DNAI4: variants seen among roughly 807,000 people sequenced by gnomAD.
The protein encoded by DNAI4 is dynein axonemal intermediate chain 4, also known as WD repeat domain 78.
A neutral mutation model predicts 105.8 loss-of-function variants in DNAI4; 85 were observed. The ratio of observed to expected loss-of-function variants is 0.80; its 90% CI spans 0.67 to 0.96. The LOEUF is 0.96. DNAI4 is among the 40% of genes least tolerant of loss of function. The probability of loss-of-function intolerance (pLI) is 0.00; values close to 1 mark genes in which losing one functional copy is unlikely to be tolerated. For missense variants in DNAI4, 1,014 were observed against 1,005.6 expected, an observed-to-expected ratio of 1.01 and a Z score of -0.11; for synonymous variants, 352 against 331.5, an observed-to-expected ratio of 1.06 and a Z score of -0.67.
chr1:66,845,582 A>G (rs568190509), intron 8 of DNAI4, among the ~76,000 whole-genome samples: 26 of 152,322 alleles, frequency 1.7e-4, no homozygotes, highest in African/African-American at 6.0e-4. Flanking sequence ...CTTTACTCTT[A>G]ATATCCCCAG....
chr1:66,839,646 G>C (rs577584966), intron 9 of DNAI4, among the ~76,000 whole-genome samples: 1 of 152,288 alleles, frequency 6.6e-6, no homozygotes, highest in East Asian at 1.9e-4. Flanking sequence ...AATATCTTCA[G>C]AACCAGTTTA....
chr1:66,920,555 G>A (rs1650401444), intron 1 of DNAI4, among the ~76,000 whole-genome samples: 1 of 152,138 alleles, frequency 6.6e-6, no homozygotes, highest in Non-Finnish European at 1.5e-5. Context: ...GTTGGGGAGT[G>A]AGTATGTAGT....
intron 11 of DNAI4, among the ~76,000 whole-genome samples, chr1:66,834,691 C>A (rs1645944029): frequency 6.6e-6 from 1 of 152,094 alleles, no homozygotes. Flanking sequence ...AAACTCACTT[C>A]TCAGATTACT....
chr1:66,874,873 T>C lies in DNAI4; in HGVS notation c.708A>G (p.Ile236Met). The C allele has an allele frequency of 6.2e-7, 1 of 1,613,694 alleles. No homozygotes were observed. The highest frequency in any genetic ancestry group is 1.1e-5 in the South Asian group (1 of 91,040). ...TTTCTGTCTCTGTGAGTATTATCTCTATATTCTTCTCCAGGTCTTCTTTTG... is the reference window on the plus strand; with the variant it reads ...TTTCTGTCTCTGTGAGTATTATCTCCATATTCTTCTCCAGGTCTTCTTTTG... The part of the protein sequence containing the change: ...IVTKEDLEKN[I>M]EIILTETETL... The change falls in exon 5 of 17, where the codon ATA becomes ATG. Residue 236 changes from isoleucine to methionine, a missense_variant. By Grantham distance (10) the Ile-to-Met change is conservative. Coordinates refer to ENST00000371026, the MANE Select transcript of DNAI4 (RefSeq NM_024763.5).
intron 1 of DNAI4, among the ~76,000 whole-genome samples, chr1:66,924,299 T>C (rs900484216): frequency 2.0e-5 from 3 of 152,232 alleles, no homozygotes; most frequent in Admixed American, 6.5e-5. Context: ...GCCTCCCAAG[T>C]AGCTGGGATT....
chr1:66,916,185 T>C lies in DNAI4; in HGVS notation c.170+8477A>G, dbSNP rs1650061593. On this transcript the variant is annotated intron_variant, in intron 1 of 16. Transcript: ENST00000371026. Reference sequence around the variant, plus strand: ...GGATGTTCAGGACAAACCAGAAAGTTCAAGCATATCATGAATAATCAGTGT... The same window carrying C: ...GGATGTTCAGGACAAACCAGAAAGTCCAAGCATATCATGAATAATCAGTGT... Among the ~76,000 whole-genome samples, 2 of 151,050 alleles carry C rather than the reference T, an allele frequency of 1.3e-5. 1 individual carries two copies. The highest frequency in any genetic ancestry group is 4.2e-4 in the South Asian group (2 of 4,784).
chr1:66,903,298 A>G (rs1648975582), intron 2 of DNAI4, among the ~76,000 whole-genome samples: 1 of 152,104 alleles, frequency 6.6e-6, no homozygotes. Context: ...TTTTGATGCT[A>G]TTGTAAATGC....
At chr1:66,836,169 A>AAAGAAAGAAAGAAAGAAAGAAAG (rs1645987481) in intron 10 of DNAI4, among the ~76,000 whole-genome samples, 3 of 53,338 alleles carry the variant, frequency 5.6e-5, no homozygotes, top group African/African-American at 1.9e-4. Context: ...AGAAAGAAAG[A>AAAGAAAGAAAGAAAGAAAGAAAG]AAGAAAGAAA....
chr1:66,839,002 C>A (rs1243464774), intron 9 of DNAI4, among the ~76,000 whole-genome samples: 3 of 152,142 alleles, frequency 2.0e-5, no homozygotes, highest in African/African-American at 7.2e-5. Context: ...AACATAGACT[C>A]CATCTGTAAT....
At chr1:66,858,752 T>C (rs147843747) in intron 7 of DNAI4, among the ~76,000 whole-genome samples, 5 of 152,170 alleles carry the variant, frequency 3.3e-5, no homozygotes, top group African/African-American at 1.2e-4. Flanking sequence ...ACGAAATTCA[T>C]TGCACATTCA....
intron 7 of DNAI4, among the ~76,000 whole-genome samples, chr1:66,857,532 C>CT (rs1385843204): frequency 1.3e-5 from 2 of 150,446 alleles, no homozygotes; most frequent in African/African-American, 4.9e-5. Flanking sequence ...ACTCTGCCCA[C>CT]AAATTTTTTT....
chr1:66,818,415 T>G (rs1000953739), intron 16 of DNAI4, among the ~76,000 whole-genome samples: 4 of 152,128 alleles, frequency 2.6e-5, no homozygotes, highest in Admixed American at 2.6e-4. Context: ...TTAAGAAAAT[T>G]TAATTAAATT....
At chr1:66,896,008 T>C (rs1160801527) in intron 2 of DNAI4, among the ~76,000 whole-genome samples, 1 of 152,206 alleles carries the variant, frequency 6.6e-6, no homozygotes, top group Non-Finnish European at 1.5e-5. Context: ...GAAATTGGCA[T>C]ATAATATTTG....
At chr1:66,867,224 T>C (rs1048970601) in intron 6 of DNAI4, among the ~76,000 whole-genome samples, 2 of 152,204 alleles carry the variant, frequency 1.3e-5, no homozygotes, top group African/African-American at 4.8e-5. Flanking sequence ...CACTGACCTA[T>C]TTATTTTTCT....
intron 6 of DNAI4, among the ~76,000 whole-genome samples, chr1:66,867,561 T>A (rs1323931034): frequency 2.0e-5 from 3 of 152,200 alleles, no homozygotes; most frequent in South Asian, 2.1e-4. Flanking sequence ...GGATTTTTTT[T>A]TAAAGAACAT....
At position 66,890,866 on chromosome 1, in the gene DNAI4, G is replaced by GGAAGAAGAAGAAGAAGAGGAAGAA. The variant is rs1647565963; in HGVS notation, c.643+287_643+288insTTCTTCCTCTTCTTCTTCTTCTTC. On this transcript the variant is annotated intron_variant, in intron 4 of 16. Coordinates refer to ENST00000371026, the MANE Select transcript of DNAI4 (RefSeq NM_024763.5). This position sits in a 1 kb window ranked among gnomAD's most constrained non-coding sequence, Gnocchi z 4.1. ...AGGAAGAGGAAGAAGAAGAGGAAGAGGAAGAAGAAGAAGAAGAAGCAGAAG... is the reference window on the plus strand; with the variant it reads ...AGGAAGAGGAAGAAGAAGAGGAAGAGGAAGAAGAAGAAGAAGAGGAAGAAGAAGAAGAAGAAGAAGAAGCAGAAG... 9.5e-6 allele frequency: 4 copies of GGAAGAAGAAGAAGAAGAGGAAGAA among 420,008 alleles called. No homozygotes were observed. The highest frequency in any genetic ancestry group is 1.3e-5 in the Non-Finnish European group (3 of 232,424). The allele number at this position is 420,008 out of a possible 1,614,324, so 26.0% of individuals were successfully genotyped here.
chr1:66,837,847 A>G (rs753795802), intron 9 of DNAI4, 51 bp from the exon 10 acceptor site: 1 of 1,472,206 alleles, frequency 6.8e-7, no homozygotes, highest in African/African-American at 1.4e-5. Flanking sequence ...GCATTAAAAT[A>G]TTGGTAAATG....
intron 7 of DNAI4, among the ~76,000 whole-genome samples, chr1:66,856,239 G>GT (rs1295971084): frequency 1.3e-5 from 2 of 151,814 alleles, no homozygotes; most frequent in African/African-American, 4.8e-5. Context: ...GGAGGCCGAG[G>GT]TGGGCAGATC....
At chr1:66,911,874 C>A (rs1477152796) in intron 1 of DNAI4, among the ~76,000 whole-genome samples, 1 of 152,172 alleles carries the variant, frequency 6.6e-6, no homozygotes, top group African/African-American at 2.4e-5. Context: ...CAGAGTCTCA[C>A]TCTGTTGCCC....
Sources: allele counts gnomAD v4.1 joint callset (sites outside exome capture counted in the v4.1 genomes callset), GRCh38; gene constraint gnomAD v4.1.1; non-coding constraint Gnocchi (gnomAD v3.1); transcripts MANE v1.5; gene names NCBI Gene and HGNC (gene_info 2026-07-23, HGNC 2026-07-21).